SPATA6L: variants seen among roughly 807,000 people sequenced by gnomAD.
The protein encoded by SPATA6L is spermatogenesis associated 6 like, also known as spermatogenesis associated 6-like protein.
SPATA6L carries 68 observed loss-of-function variants against 49.2 expected under a neutral mutation model. That is an observed-to-expected ratio of 1.38 (90% CI 1.14 to 1.69). SPATA6L has a LOEUF of 1.69. SPATA6L is among the 40% of genes most tolerant of loss of function. The pLI is 0.00. For missense variants in SPATA6L, 668 were observed against 464.3 expected, an observed-to-expected ratio of 1.44 and a Z score of -4.03; for synonymous variants, 198 against 165.7, an observed-to-expected ratio of 1.19 and a Z score of -1.50.
At chr9:4,659,390 A>C (rs1439698867) in intron 2 of SPATA6L, among the ~76,000 whole-genome samples, 1 of 150,722 alleles carries the variant, frequency 6.6e-6, no homozygotes, top group Non-Finnish European at 1.5e-5. Context: ...TAACAGACAA[A>C]CAGAGAGCGA....
chr9:4,609,983 G>A (rs908979835), intron 9 of SPATA6L, among the ~76,000 whole-genome samples: 60 of 152,004 alleles, frequency 3.9e-4, no homozygotes, highest in African/African-American at 1.4e-3. Context: ...AAAATCACAA[G>A]TATTCTTATA....
At position 4,598,891 on chromosome 9, in the gene SPATA6L, C is replaced by A. The variant is rs1822593150; in HGVS notation, c.*1920G>T. Among the ~76,000 whole-genome samples, 1 of 152,212 alleles carries A rather than the reference C, an allele frequency of 6.6e-6. No individual in the cohort carries two copies. Among genetic ancestry groups the A allele is most frequent in the African/African-American group, 2.4e-5 (1 of 41,452 alleles). On this transcript the variant is annotated 3_prime_UTR_variant, in exon 12 of 12. Transcript: ENST00000682582. ...TAATTTAAGCTTGCTGTTGGCCTTGCCAAGGTGGAATGCTGGTTGTGATAC... is the reference window on the plus strand; with the variant it reads ...TAATTTAAGCTTGCTGTTGGCCTTGACAAGGTGGAATGCTGGTTGTGATAC...
At chr9:4,652,930 A>G (rs1208180139) in intron 3 of SPATA6L, among the ~76,000 whole-genome samples, 1 of 152,180 alleles carries the variant, frequency 6.6e-6, no homozygotes, top group Non-Finnish European at 1.5e-5. Context: ...AAATATTGTT[A>G]AGGTGACAAT....
intron 9 of SPATA6L, among the ~76,000 whole-genome samples, chr9:4,606,328 C>T (rs951410740): frequency 2.8e-5 from 4 of 141,660 alleles, no homozygotes; most frequent in Non-Finnish European, 6.0e-5. Flanking sequence ...CCTCTGTAGG[C>T]GCCACGTCTG....
At chr9:4,608,857 T>G (rs1451706455) in intron 9 of SPATA6L, among the ~76,000 whole-genome samples, 3 of 151,874 alleles carry the variant, frequency 2.0e-5, no homozygotes, top group Admixed American at 6.6e-5. Context: ...GAATCCAGGA[T>G]CTGGTTTTTT....
At chr9:4,665,730 T>G (rs1347796312) in intron 1 of SPATA6L, among the ~76,000 whole-genome samples, 1 of 152,238 alleles carries the variant, frequency 6.6e-6, no homozygotes, top group African/African-American at 2.4e-5. Context: ...AGTGATTGAT[T>G]GATTTCCCTT....
intron 9 of SPATA6L, among the ~76,000 whole-genome samples, chr9:4,610,124 C>G (rs1357501176): frequency 2.6e-5 from 4 of 152,138 alleles, no homozygotes; most frequent in South Asian, 4.1e-4. Context: ...GAAGTATAAA[C>G]CACTGCTCAA....
chr9:4,601,174 C>G (rs1823154064), intron 11 of SPATA6L, among the ~76,000 whole-genome samples: 1 of 152,010 alleles, frequency 6.6e-6, no homozygotes, highest in Admixed American at 6.6e-5. Context: ...GAACAAATTT[C>G]CTTCCTTCCT....
chr9:4,606,533 GGCACACTGACACC>G lies in SPATA6L; in HGVS notation c.996-1106_996-1094del, dbSNP rs1325381559. 1.6e-4 allele frequency among the ~76,000 whole-genome samples: 6 copies of G among 38,394 alleles called. 3 individuals are homozygous for G. The highest frequency in any genetic ancestry group is 5.3e-4 in the African/African-American group (6 of 11,264). 25.2% of individuals were successfully genotyped at this position (38,394 alleles called of 152,430 possible). On this transcript the variant is annotated intron_variant, in intron 9 of 11. Transcript: ENST00000682582. The stretch of plus-strand genomic sequence containing the variant: ...TAACTGGGAGGCACCCCCCAGCAGG[GGCACACTGACACC>G]TCACACGGCCGGGTACTCCAACAGA...
chr9:4,598,604 A>G lies in SPATA6L; in HGVS notation c.*2207T>C, dbSNP rs1320648693. Among the ~76,000 whole-genome samples, 2 of 152,240 alleles carry G rather than the reference A, an allele frequency of 1.3e-5. No homozygotes were observed. The highest frequency in any genetic ancestry group is 2.9e-5 in the Non-Finnish European group (2 of 68,036). Reference sequence around the variant, plus strand: ...AAGAATGGGCATTTAAGATCTTATTAAAGAGTTATGCTTAAACCATTTCAA... The same window carrying G: ...AAGAATGGGCATTTAAGATCTTATTGAAGAGTTATGCTTAAACCATTTCAA... On this transcript the variant is annotated 3_prime_UTR_variant, in exon 12 of 12. Coordinates refer to ENST00000682582, the MANE Select transcript of SPATA6L (RefSeq NM_001353486.2).
rs1822947110 is a variant in SPATA6L, at chr9:4,600,483, C to CAGAAAGAGAGAGAGAGAGAGAG, written c.*327_*328insCTCTCTCTCTCTCTCTCTTTCT. 1.5e-4 allele frequency: 3 copies of CAGAAAGAGAGAGAGAGAGAGAG among 19,440 alleles called. No individual in the cohort carries two copies. Among genetic ancestry groups the CAGAAAGAGAGAGAGAGAGAGAG allele is most frequent in the Non-Finnish European group, 5.0e-4 (3 of 6,024 alleles). The allele number at this position is 19,440 out of a possible 1,614,324, so 1.2% of individuals were successfully genotyped here. ...TTTGAGAGAGAGAGACAGAGAGAGC[C>CAGAAAGAGAGAGAGAGAGAGAG]AGAGAGAGCCAGAGAGAGAGAGAGG... On this transcript the variant is annotated 3_prime_UTR_variant, in exon 12 of 12. Coordinates refer to ENST00000682582, the MANE Select transcript of SPATA6L (RefSeq NM_001353486.2).
intron 9 of SPATA6L, among the ~76,000 whole-genome samples, chr9:4,612,546 T>G (rs553361836): frequency 6.6e-6 from 1 of 152,202 alleles, no homozygotes; most frequent in Non-Finnish European, 1.5e-5. Flanking sequence ...CCCTCTCCTG[T>G]AGAGGAGGTC....
chr9:4,659,052 C>A (rs1249524157), intron 2 of SPATA6L, among the ~76,000 whole-genome samples: 2 of 151,700 alleles, frequency 1.3e-5, no homozygotes, highest in African/African-American at 4.8e-5. Flanking sequence ...TTACCACCAA[C>A]TTTTTACCAT....
In SPATA6L at chr9:4,599,721, G is replaced by C. The variant is rs1241188031; in HGVS notation, c.*1090C>G. On this transcript the variant is annotated 3_prime_UTR_variant, in exon 12 of 12. Transcript: ENST00000682582. ...ACGAGCTCCCTTGAGCCTATTTATA[G>C]GGCACTAATCTCATTTATGAGGGGT... Among the ~76,000 whole-genome samples the C allele has an allele frequency of 6.6e-6, 1 of 152,162 alleles. No homozygotes were observed. The highest frequency in any genetic ancestry group is 1.5e-5 in the Non-Finnish European group (1 of 68,026).
rs369596827 is a variant in SPATA6L, at chr9:4,604,189, T to C, written c.1170A>G (p.Arg390=). ...PLKKYSLHEQ[R]YF is the part of the protein sequence containing the mutation. ...TACATAAGACAGTACCTTAAAAATA[T>C]CTCTGTTCATGCAGTGAGTATTTCT... Residue 390 remains arginine, a synonymous_variant, in exon 11 of 12, where the codon AGA becomes AGG. Coordinates refer to ENST00000682582, the MANE Select transcript of SPATA6L (RefSeq NM_001353486.2). 1.6e-5 allele frequency: 25 copies of C among 1,608,342 alleles called. No individual in the cohort carries two copies. The highest frequency in any genetic ancestry group is 2.7e-5 in the African/African-American group (2 of 74,768).
intron 2 of SPATA6L, among the ~76,000 whole-genome samples, chr9:4,659,480 G>A (rs942999939): frequency 1.3e-5 from 2 of 151,624 alleles, no homozygotes; most frequent in African/African-American, 4.9e-5. Context: ...GGATGTGAAG[G>A]ACCTCTTCAA....
At position 4,650,466 on chromosome 9, in the gene SPATA6L, T is replaced by A. The variant is rs1422237235; in HGVS notation, c.226+5575A>T. 2.0e-5 allele frequency among the ~76,000 whole-genome samples: 3 copies of A among 152,052 alleles called. No homozygotes were observed. The East Asian group carries it at 5.8e-4, about 29-fold the overall frequency. ...ACAGAGGAAAGAAAATAATAAAGAT[T>A]AAGCAGAAAGTAATGAAATAGAAAA... On this transcript the variant is annotated intron_variant, in intron 3 of 11. Coordinates refer to ENST00000682582, the MANE Select transcript of SPATA6L (RefSeq NM_001353486.2).
intron 10 of SPATA6L, among the ~76,000 whole-genome samples, chr9:4,604,471 C>G (rs1050717571): frequency 6.6e-6 from 1 of 152,034 alleles, no homozygotes; most frequent in Admixed American, 6.6e-5. Context: ...GGTCTTGAAC[C>G]TCCTGGCCTC....
intron 9 of SPATA6L, chr9:4,617,392 T>A (rs1470891223): frequency 6.6e-6 from 1 of 152,158 alleles, no homozygotes; most frequent in Admixed American, 6.6e-5. Context: ...AGCAAACCAG[T>A]GGTTACTTAC....
Sources: gnomAD v4.1 joint callset for allele counts (sites outside exome capture counted in the v4.1 genomes callset) on GRCh38, gnomAD v4.1.1 for gene constraint, MANE v1.5 for transcripts, NCBI Gene and HGNC (gene_info 2026-07-23, HGNC 2026-07-21) for gene names.